SLC36A1: variants seen among roughly 807,000 people sequenced by gnomAD.
SLC36A1 encodes proton-coupled amino acid transporter 1.
Under a neutral mutation model 47.5 loss-of-function variants are expected in SLC36A1, and 30 were observed. The ratio of observed to expected loss-of-function variants is 0.63; its 90% CI spans 0.47 to 0.86. The LOEUF (loss-of-function observed/expected upper bound fraction) is 0.86, where lower values mean the gene tolerates loss of function less well. Among genes scored for constraint, SLC36A1 ranks in the 40% least tolerant of loss-of-function variants. The pLI, the probability that SLC36A1 is intolerant of heterozygous loss-of-function variation, is 0.00. For missense variants in SLC36A1, 517 were observed against 606.0 expected, an observed-to-expected ratio of 0.85 and a Z score of 1.54; for synonymous variants, 255 against 249.7, an observed-to-expected ratio of 1.02 and a Z score of -0.20.
the SLC36A1 span, among the ~76,000 whole-genome samples, chr5:151,423,974 AC>A: frequency 2.6e-5 from 2 of 76,672 alleles, no homozygotes; most frequent in Non-Finnish European, 5.1e-5. Context: ...CTATTAAAAA[AC>A]AAACAAACAA....
the SLC36A1 span, chr5:151,512,592 C>T: frequency 6.2e-7 from 1 of 1,607,890 alleles, no homozygotes; most frequent in Non-Finnish European, 8.5e-7. The surrounding 1 kb of genome is among the most constrained non-coding windows in gnomAD (Gnocchi z 4.1). Context: ...CCAGCTGGGG[C>T]ACTCCACTGG....
the SLC36A1 span, among the ~76,000 whole-genome samples, chr5:151,519,114 C>G: frequency 6.6e-6 from 1 of 152,222 alleles, no homozygotes; most frequent in African/African-American, 2.4e-5. Flanking sequence ...AAGGCCAAGA[C>G]AGGCAGATCA....
chr5:151,464,776 C>G (rs879552415), intron 4 of SLC36A1, among the ~76,000 whole-genome samples, 174 bp downstream of exon 4: 2 of 152,204 alleles, frequency 1.3e-5, no homozygotes, highest in Non-Finnish European at 2.9e-5. Flanking sequence ...TCTTTTCTGG[C>G]TCATTATCAT....
chr5:151,541,300 T>C, the SLC36A1 span, among the ~76,000 whole-genome samples: 1 of 152,254 alleles, frequency 6.6e-6, no homozygotes, highest in East Asian at 1.9e-4. Flanking sequence ...GATCCTAAGA[T>C]TCCAGAGTTC....
At chr5:151,539,553 T>C in the SLC36A1 span, among the ~76,000 whole-genome samples, 4 of 152,238 alleles carry the variant, frequency 2.6e-5, no homozygotes, top group African/African-American at 9.6e-5. Context: ...CCTTTGTGTA[T>C]ATGTGTGGGT....
At chr5:151,474,225 C>T (rs563168119) in intron 8 of SLC36A1, among the ~76,000 whole-genome samples, 3 of 149,654 alleles carry the variant, frequency 2.0e-5, no homozygotes, top group East Asian at 2.0e-4. Context: ...AATAGTGTTT[C>T]GGGGATTCCA....
the SLC36A1 span, chr5:151,507,596 C>G: frequency 6.2e-7 from 1 of 1,600,794 alleles, no homozygotes; most frequent in Non-Finnish European, 8.5e-7. Context: ...AACAACCCCT[C>G]GCCTCCATTT....
the SLC36A1 span, among the ~76,000 whole-genome samples, chr5:151,368,257 C>G: frequency 6.6e-6 from 1 of 152,214 alleles, no homozygotes; most frequent in African/African-American, 2.4e-5. Flanking sequence ...CAATCATAAA[C>G]TGTGCTAAAA....
upstream of SLC36A1, among the ~76,000 whole-genome samples, chr5:151,444,182 GTTTCTTA>G (rs1339654735): frequency 4.6e-5 from 7 of 152,110 alleles, no homozygotes; most frequent in East Asian, 1.3e-3. Context: ...TTTTAGGATT[GTTTCTTA>G]TATCTCAGTA....
the SLC36A1 span, chr5:151,550,895 G>A: frequency 6.8e-6 from 11 of 1,607,288 alleles, no homozygotes; most frequent in Non-Finnish European, 8.5e-6. Flanking sequence ...TGAGGGAGAA[G>A]GTGCACTGCA....
chr5:151,529,656 G>A, the SLC36A1 span, among the ~76,000 whole-genome samples: 1 of 152,068 alleles, frequency 6.6e-6, no homozygotes, highest in African/African-American at 2.4e-5. Context: ...TCATTTAAAT[G>A]TGTGATGCTA....
the SLC36A1 span, among the ~76,000 whole-genome samples, chr5:151,364,992 C>T: frequency 3.4e-4 from 51 of 152,224 alleles, no homozygotes; most frequent in African/African-American, 1.2e-3. Flanking sequence ...ATTATATGGC[C>T]ATCTCAGAAC....
the SLC36A1 span, among the ~76,000 whole-genome samples, chr5:151,501,991 A>G: frequency 6.7e-6 from 1 of 148,438 alleles, no homozygotes; most frequent in African/African-American, 2.6e-5. Flanking sequence ...TTCTGTATAA[A>G]AGAAATAAGC....
chr5:151,494,889 G>A (rs1004763122), downstream of SLC36A1, among the ~76,000 whole-genome samples: 2 of 152,076 alleles, frequency 1.3e-5, no homozygotes, highest in Admixed American at 6.5e-5. Context: ...CCATTCGCAA[G>A]TTTTGGGCTC....
chr5:151,408,782 A>C, the SLC36A1 span, among the ~76,000 whole-genome samples: 1 of 152,160 alleles, frequency 6.6e-6, no homozygotes, highest in Non-Finnish European at 1.5e-5. Flanking sequence ...TTTTAAAGAG[A>C]TATCAGCCAT....
chr5:151,348,812 C>CTCCCCGCTAGCCAGGT, the SLC36A1 span, among the ~76,000 whole-genome samples: 1 of 152,196 alleles, frequency 6.6e-6, no homozygotes, highest in Non-Finnish European at 1.5e-5. Context: ...TAAATCCGAA[C>CTCCCCGCTAGCCAGGT]TCCCCGCTAG....
At chr5:151,414,219 A>G in the SLC36A1 span, among the ~76,000 whole-genome samples, 2 of 144,344 alleles carry the variant, frequency 1.4e-5, no homozygotes, top group Admixed American at 6.7e-5. Flanking sequence ...AGGGAACGAT[A>G]CCCAGAGGAG....
chr5:151,436,044 A>G (rs1342298752), upstream of SLC36A1, among the ~76,000 whole-genome samples: 1 of 151,964 alleles, frequency 6.6e-6, no homozygotes, highest in Non-Finnish European at 1.5e-5. Context: ...TTGAGCACCT[A>G]CTATGTAATA....
chr5:151,545,601 G>A, the SLC36A1 span: 1 of 1,614,026 alleles, frequency 6.2e-7, no homozygotes, highest in Non-Finnish European at 8.5e-7. Flanking sequence ...CTTGGTCATG[G>A]ACATAGACAC....
Sources: allele counts gnomAD v4.1 joint callset (sites outside exome capture counted in the v4.1 genomes callset), GRCh38; gene constraint gnomAD v4.1.1; non-coding constraint Gnocchi (gnomAD v3.1); transcripts MANE v1.5; gene names NCBI Gene and HGNC (gene_info 2026-07-23, HGNC 2026-07-21).